Variants in C7orf78 observed in about 807,000 individuals in gnomAD.
The protein encoded by C7orf78 is chromosome 7 open reading frame 78, also known as putative uncharacterized protein C7orf78.
At chr7:12,529,628 T>C in the C7orf78 span, among the ~76,000 whole-genome samples, 1 of 152,190 alleles carries the variant, frequency 6.6e-6, no homozygotes, top group Non-Finnish European at 1.5e-5. Context: ...GGCAAAGACA[T>C]AAATCAATAC....
At chr7:12,531,132 T>G in the C7orf78 span, 21,512 of 398,110 alleles carry the variant, frequency 0.054, 728 homozygotes, top group African/African-American at 0.12. Context: ...GATACTTATA[T>G]TAACTCTTTA....
At chr7:12,505,242 T>C in the C7orf78 span, among the ~76,000 whole-genome samples, 3 of 152,134 alleles carry the variant, frequency 2.0e-5, no homozygotes, top group Non-Finnish European at 4.4e-5. Context: ...ATAATTATTA[T>C]GATTGAAATA....
the C7orf78 span, chr7:12,496,429 G>C: frequency 6.6e-6 from 1 of 152,288 alleles, no homozygotes; most frequent in Non-Finnish European, 1.5e-5. Flanking sequence ...TGCTTATGCT[G>C]TTCGTCCATC....
chr7:12,491,864 C>A, the C7orf78 span: 1 of 152,184 alleles, frequency 6.6e-6, no homozygotes, highest in East Asian at 1.9e-4. Context: ...ATTTAGTTTA[C>A]CTTACAGAAG....
At chr7:12,534,131 C>A in the C7orf78 span, among the ~76,000 whole-genome samples, 1 of 152,100 alleles carries the variant, frequency 6.6e-6, no homozygotes, top group Non-Finnish European at 1.5e-5. Context: ...TGTTGGATCT[C>A]CCTCCCCTCA....
chr7:12,525,755 A>G, the C7orf78 span: 1 of 394,246 alleles, frequency 2.5e-6, no homozygotes, highest in East Asian at 3.6e-5. Flanking sequence ...GGAAAAATCA[A>G]ACTCCAACTA....
the C7orf78 span, among the ~76,000 whole-genome samples, chr7:12,512,345 A>G: frequency 6.6e-6 from 1 of 152,088 alleles, no homozygotes; most frequent in Non-Finnish European, 1.5e-5. Flanking sequence ...GGCTTTTATT[A>G]TATTGAGATA....
At chr7:12,509,107 C>T in the C7orf78 span, among the ~76,000 whole-genome samples, 2 of 152,080 alleles carry the variant, frequency 1.3e-5, no homozygotes, top group African/African-American at 2.4e-5. Context: ...CTCACTGGTG[C>T]CAAAAAGATT....
chr7:12,514,020 A>AC, the C7orf78 span, among the ~76,000 whole-genome samples: 1 of 152,142 alleles, frequency 6.6e-6, no homozygotes, highest in African/African-American at 2.4e-5. Context: ...AGAAAAAAAA[A>AC]GTAAAATGCC....
chr7:12,522,641 C>G, the C7orf78 span, among the ~76,000 whole-genome samples: 5 of 152,118 alleles, frequency 3.3e-5, no homozygotes, highest in Non-Finnish European at 7.4e-5. Context: ...CTCCTTGCTT[C>G]TCATAATACT....
At chr7:12,488,444 C>T in the C7orf78 span, among the ~76,000 whole-genome samples, 16 of 151,984 alleles carry the variant, frequency 1.1e-4, no homozygotes, top group African/African-American at 3.9e-4. Context: ...TAAATTGTAG[C>T]TTACTGTCAA....
chr7:12,524,232 A>G, the C7orf78 span, among the ~76,000 whole-genome samples: 1 of 152,188 alleles, frequency 6.6e-6, no homozygotes, highest in African/African-American at 2.4e-5. Flanking sequence ...TAATAATGCT[A>G]CATACTTTTT....
At chr7:12,534,338 G>A in the C7orf78 span, among the ~76,000 whole-genome samples, 236 of 152,210 alleles carry the variant, frequency 1.6e-3, 1 homozygote, top group Non-Finnish European at 2.8e-3. Flanking sequence ...ATTTCACATC[G>A]TGCATAAAGA....
the C7orf78 span, among the ~76,000 whole-genome samples, chr7:12,510,567 C>A: frequency 6.6e-6 from 1 of 152,052 alleles, no homozygotes; most frequent in African/African-American, 2.4e-5. Context: ...ATACTCTTGC[C>A]AGCATATGTT....
the C7orf78 span, among the ~76,000 whole-genome samples, chr7:12,522,157 C>T: frequency 3.3e-5 from 5 of 151,944 alleles, no homozygotes; most frequent in African/African-American, 9.7e-5. Flanking sequence ...TATGAAACAA[C>T]ACAAAATTCT....
chr7:12,511,500 C>A, the C7orf78 span, among the ~76,000 whole-genome samples: 4 of 152,220 alleles, frequency 2.6e-5, no homozygotes, highest in East Asian at 7.7e-4. Flanking sequence ...TTCTTCTAAT[C>A]CATAAGCATG....
chr7:12,492,213 T>C, the C7orf78 span, among the ~76,000 whole-genome samples: 1 of 152,134 alleles, frequency 6.6e-6, no homozygotes, highest in Non-Finnish European at 1.5e-5. Flanking sequence ...TGGTAATACA[T>C]TTAAGTAACA....
chr7:12,510,244 C>T, the C7orf78 span, among the ~76,000 whole-genome samples: 67 of 152,006 alleles, frequency 4.4e-4, 1 homozygote, highest in East Asian at 0.01. Flanking sequence ...CCAGCAGTGG[C>T]AGGATCATGG....
chr7:12,498,418 C>A, the C7orf78 span, among the ~76,000 whole-genome samples: 2 of 150,520 alleles, frequency 1.3e-5, no homozygotes, highest in Non-Finnish European at 3.0e-5. Context: ...AACCAAGGCT[C>A]GAGAACTACG....
Sources: gnomAD v4.1 joint callset for allele counts (sites outside exome capture counted in the v4.1 genomes callset) on GRCh38, gnomAD v4.1.1 for gene constraint, MANE v1.5 for transcripts, NCBI Gene and HGNC (gene_info 2026-07-23, HGNC 2026-07-21) for gene names.